The following MAGI2 variants were observed in gnomAD, a reference collection of about 807,000 sequenced individuals.
MAGI2 encodes the protein membrane-associated guanylate kinase, WW and PDZ domain-containing protein 2.
In MAGI2, 35 loss-of-function variants were observed where a neutral mutation model predicts 133.3. The observed-to-expected ratio is 0.26, with a 90% CI of 0.20 to 0.35. The LOEUF (loss-of-function observed/expected upper bound fraction) is 0.35, where lower values mean the gene tolerates loss of function less well. Ranked by LOEUF, MAGI2 falls within the 10% of genes least tolerant of loss-of-function variation. The pLI is 1.00. For synonymous variants in MAGI2, 729 were observed against 710.6 expected (o/e 1.03, Z -0.41); for missense variants, 1,636 against 1,863.4 (o/e 0.88, Z 2.25).
At chr7:78,695,420 G>T (rs1300656313) in intron 2 of MAGI2, among the ~76,000 whole-genome samples, 1 of 152,090 alleles carries the variant, frequency 6.6e-6, no homozygotes, top group Non-Finnish European at 1.5e-5. Context: ...CTCTGTATCT[G>T]ATGTCAAACA....
chr7:78,042,964 A>G (rs556430931), intron 21 of MAGI2, among the ~76,000 whole-genome samples: 1 of 152,312 alleles, frequency 6.6e-6, no homozygotes, highest in South Asian at 2.1e-4. Flanking sequence ...AAACCTTTTG[A>G]ATCAGATCAG....
At chr7:78,520,276 C>T (rs146296528) in intron 4 of MAGI2, among the ~76,000 whole-genome samples, 1 of 152,074 alleles carries the variant, frequency 6.6e-6, no homozygotes, top group African/African-American at 2.4e-5. Flanking sequence ...ATGAAGAACA[C>T]CTTTATAGGC....
At chr7:78,833,999 T>C (rs2151448346) in intron 2 of MAGI2, among the ~76,000 whole-genome samples, 1 of 152,328 alleles carries the variant, frequency 6.6e-6, no homozygotes, top group Non-Finnish European at 1.5e-5. Context: ...TCCCCTATAC[T>C]TTAAAATTCA....
At position 78,470,974 on chromosome 7, in the gene MAGI2, T is replaced by C. The variant is rs73150337; in HGVS notation, c.1045+18787A>G. 4.2e-3 allele frequency among the ~76,000 whole-genome samples: 644 copies of C among 152,274 alleles called. 3 individuals carry two copies. Among genetic ancestry groups the C allele is most frequent in the Non-Finnish European group, 7.1e-3 (483 of 68,002 alleles). ...CATTAGTGGCAGGAGTAAATTTTAG[T>C]GGTTGACCAAAATGACTTCACAAGT... On this transcript the variant is annotated intron_variant, in intron 6 of 21. Transcript: ENST00000354212.
At chr7:78,204,658 A>G (rs1829566213) in intron 10 of MAGI2, among the ~76,000 whole-genome samples, 1 of 151,988 alleles carries the variant, frequency 6.6e-6, no homozygotes, top group African/African-American at 2.4e-5. Flanking sequence ...TCATGTATTG[A>G]TTTTTATCCT....
chr7:78,577,485 C>T (rs571301917), intron 3 of MAGI2, among the ~76,000 whole-genome samples: 17 of 152,230 alleles, frequency 1.1e-4, no homozygotes, highest in African/African-American at 1.7e-4. Flanking sequence ...TTTTCATGCA[C>T]GTCCGTGTGA....
chr7:79,036,388 G>A (rs1221021874), intron 1 of MAGI2, among the ~76,000 whole-genome samples: 1 of 152,044 alleles, frequency 6.6e-6, no homozygotes, highest in Non-Finnish European at 1.5e-5. Context: ...TCAGGAAATG[G>A]GCATGTTTCC....
At chr7:79,037,954 T>C (rs1380175734) in intron 1 of MAGI2, among the ~76,000 whole-genome samples, 1 of 152,246 alleles carries the variant, frequency 6.6e-6, no homozygotes, top group African/African-American at 2.4e-5. Context: ...TGGATAAATC[T>C]AAAGGCTTGA....
chr7:78,677,905 C>CAT (rs1220609339), intron 2 of MAGI2, among the ~76,000 whole-genome samples: 1 of 152,036 alleles, frequency 6.6e-6, no homozygotes, highest in African/African-American at 2.4e-5. Flanking sequence ...AGGGCTGGTG[C>CAT]ATAGCCTCAG....
intron 1 of MAGI2, among the ~76,000 whole-genome samples, chr7:79,107,166 G>C (rs1387840786): frequency 6.6e-6 from 1 of 152,206 alleles, no homozygotes; most frequent in African/African-American, 2.4e-5. Context: ...ACATGAATAA[G>C]TGGAGAGCTT....
chr7:79,018,173 G>A (rs1033310382), intron 1 of MAGI2, among the ~76,000 whole-genome samples: 3 of 151,936 alleles, frequency 2.0e-5, no homozygotes, highest in African/African-American at 7.3e-5. Context: ...TAACCTACAA[G>A]GGGAACCCCA....
chr7:78,417,682 T>C (rs1218657226), intron 6 of MAGI2, among the ~76,000 whole-genome samples: 1 of 152,168 alleles, frequency 6.6e-6, no homozygotes, highest in Non-Finnish European at 1.5e-5. Context: ...TGTATTATTT[T>C]GTTGAAACAA....
intron 2 of MAGI2, among the ~76,000 whole-genome samples, chr7:78,689,740 C>T (rs1484376703): frequency 2.1e-5 from 2 of 93,120 alleles, no homozygotes; most frequent in South Asian, 7.0e-4. Flanking sequence ...TTTATCCATG[C>T]TGTTATATGT....
At chr7:79,411,708 C>T (rs1369003560) in intron 1 of MAGI2, 1 of 152,206 alleles carries the variant, frequency 6.6e-6, no homozygotes, top group East Asian at 1.9e-4. Context: ...ACACAACCTC[C>T]TGTTCCATGA....
Position 79,258,089 on chromosome 7 carries a change from A to G in MAGI2, c.301+194931T>C, listed in dbSNP as rs537382956. The stretch of plus-strand genomic sequence containing the variant: ...ACATGTTCCATGATTGGTTTTGTCC[A>G]TATTGATTTTAAAGCCAGTCACAGT... On this transcript the variant is annotated intron_variant, in intron 1 of 21. Coordinates refer to ENST00000354212, the MANE Select transcript of MAGI2 (RefSeq NM_012301.4). 2.4e-4 allele frequency among the ~76,000 whole-genome samples: 37 copies of G among 152,254 alleles called. 1 individual carries two copies. The South Asian group carries it at 4.1e-3, about 17-fold the overall frequency.
chr7:78,090,127 G>T (rs987794180), intron 20 of MAGI2, among the ~76,000 whole-genome samples: 1 of 151,990 alleles, frequency 6.6e-6, no homozygotes, highest in Admixed American at 6.6e-5. Flanking sequence ...ATTCTTCAAG[G>T]CTCTGCTCAA....
chr7:78,971,909 C>T (rs945461539), intron 2 of MAGI2, among the ~76,000 whole-genome samples: 1 of 151,756 alleles, frequency 6.6e-6, no homozygotes, highest in Non-Finnish European at 1.5e-5. Flanking sequence ...GTATGTAGAG[C>T]TTATAAAGTA....
intron 2 of MAGI2, among the ~76,000 whole-genome samples, chr7:78,655,973 T>A (rs1224278196): frequency 5.9e-5 from 6 of 102,492 alleles, no homozygotes; most frequent in Non-Finnish European, 7.3e-5. Context: ...AGAGCAAGAC[T>A]CCGTCTCAAA....
chr7:78,572,164 A>G (rs943719747), intron 3 of MAGI2, among the ~76,000 whole-genome samples: 12 of 152,154 alleles, frequency 7.9e-5, no homozygotes, highest in African/African-American at 4.8e-5. Context: ...GCTTGTGGTC[A>G]TTTCGTGGTT....
Sources: allele counts gnomAD v4.1 joint callset (sites outside exome capture counted in the v4.1 genomes callset), GRCh38; gene constraint gnomAD v4.1.1; transcripts MANE v1.5; gene names NCBI Gene and HGNC (gene_info 2026-07-23, HGNC 2026-07-21).